PCDHA13: variants seen among roughly 807,000 people sequenced by gnomAD.
The protein encoded by PCDHA13 is protocadherin alpha 13, also known as protocadherin alpha-13.
In PCDHA13, 54 loss-of-function variants were observed where a neutral mutation model predicts 64.8. That is an observed-to-expected ratio of 0.83 (90% CI 0.67 to 1.04). The LOEUF is 1.04. PCDHA13 is among the 50% of genes least tolerant of loss of function. The probability of loss-of-function intolerance (pLI) is 0.00; values close to 1 mark genes in which losing one functional copy is unlikely to be tolerated. For synonymous variants in PCDHA13, 587 were observed against 564.4 expected (o/e 1.04, Z -0.57); for missense variants, 1,248 against 1,254.3 (o/e 0.99, Z 0.08).
At position 140,884,044 on chromosome 5, in the gene PCDHA13, G is replaced by T. The variant is rs374333847; in HGVS notation, c.1776G>T (p.Ala592=). The change falls in exon 1 of 4, where the codon GCG becomes GCT. Residue 592 remains alanine, a synonymous_variant. Coordinates refer to ENST00000289272, the MANE Select transcript of PCDHA13 (RefSeq NM_018904.3). The part of the protein sequence containing the change: ...PRSVGAGHVV[A]KVRAVDADSG... ...CGGTGGGTGCAGGCCACGTGGTGGC[G>T]AAGGTGCGCGCGGTGGACGCCGATT... 2.5e-6 allele frequency: 4 copies of T among 1,613,476 alleles called. No homozygotes were observed. In the South Asian group the frequency reaches 3.3e-5, roughly 13 times the overall value.
At position 140,927,570 on chromosome 5, in the gene PCDHA13, A is replaced by G. The variant is rs568227710; in HGVS notation, c.2394+42908A>G. 5.0e-5 allele frequency: 80 copies of G among 1,614,066 alleles called. 1 individual carries two copies. Among genetic ancestry groups the G allele is most frequent in the Middle Eastern group, 4.9e-4 (3 of 6,084 alleles). On this transcript the variant is annotated intron_variant, in intron 1 of 3. Transcript: ENST00000289272. ...AAGTCACCATCATTGTGGTGGACAC[A>G]AATGACAACGCGCCTGTATTTGAGC...
Position 140,883,634 on chromosome 5 carries a change from G to C in PCDHA13, c.1366G>C (p.Ala456Pro), listed in dbSNP as rs782548505. 1.1e-5 allele frequency: 18 copies of C among 1,613,174 alleles called. No homozygotes were observed. Among genetic ancestry groups the C allele is most frequent in the African/African-American group, 5.4e-5 (4 of 74,712 alleles). Residue 456 changes from alanine to proline, a missense_variant, in exon 1 of 4, where the codon GCG becomes CCG. Coordinates refer to ENST00000289272, the MANE Select transcript of PCDHA13 (RefSeq NM_018904.3). ...CGTGAACGACAACGCGCCGGCGTTC[G>C]CGCAGCCCGAGTACACGGTGTTCGT... ...ADVNDNAPAFAQPEYTVFVKE... is the reference protein window; with the variant it reads ...ADVNDNAPAFPQPEYTVFVKE...
intron 1 of PCDHA13, chr5:140,926,742 C>A: frequency 8.3e-7 from 1 of 1,199,336 alleles, no homozygotes; most frequent in Non-Finnish European, 1.1e-6. Flanking sequence ...GGAGGCGCAA[C>A]GTCGGCGGTC....
chr5:140,927,155 G>A (rs2083907874), intron 1 of PCDHA13: 1 of 1,614,076 alleles, frequency 6.2e-7, no homozygotes, highest in Non-Finnish European at 8.5e-7. Flanking sequence ...CAGCTGTGCA[G>A]GGCCAAAGCT....
At chr5:140,891,174 T>C (rs147745090) in intron 1 of PCDHA13, among the ~76,000 whole-genome samples, 2,208 of 152,320 alleles carry the variant, frequency 0.014, 24 homozygotes, top group Non-Finnish European at 0.022. Flanking sequence ...TTTTCAGATT[T>C]TCTGTGTGTC....
chr5:140,883,105 C>T lies in PCDHA13; in HGVS notation c.837C>T (p.Tyr279=). The T allele has an allele frequency of 6.2e-7, 1 of 1,614,056 alleles. No individual in the cohort carries two copies. The highest frequency in any genetic ancestry group is 8.5e-7 in the Non-Finnish European group (1 of 1,180,002). The part of the protein sequence containing the change: ...PDDGTNGDIV[Y]SFRRPVWPAV... ...ATGGTACAAATGGAGATATAGTTTACTCATTTAGAAGGCCTGTATGGCCTG... is the reference window on the plus strand; with the variant it reads ...ATGGTACAAATGGAGATATAGTTTATTCATTTAGAAGGCCTGTATGGCCTG... Residue 279 remains tyrosine (Y), a synonymous_variant, in exon 1 of 4, where the codon TAC becomes TAT. Transcript: ENST00000289272.
intron 3 of PCDHA13, among the ~76,000 whole-genome samples, chr5:141,004,084 T>C (rs2098151963): frequency 6.6e-6 from 1 of 152,234 alleles, no homozygotes; most frequent in Non-Finnish European, 1.5e-5. Context: ...GGTAGAAATG[T>C]GCTTCTTCCG....
At chr5:140,970,221 C>G (rs2096390879) in intron 1 of PCDHA13, among the ~76,000 whole-genome samples, 1 of 152,182 alleles carries the variant, frequency 6.6e-6, no homozygotes, top group South Asian at 2.1e-4. Context: ...TTAAATGCAG[C>G]CTGTAATCTT....
chr5:140,913,572 T>C (rs1000646852), intron 1 of PCDHA13, among the ~76,000 whole-genome samples: 1 of 152,146 alleles, frequency 6.6e-6, no homozygotes, highest in Non-Finnish European at 1.5e-5. Context: ...TTTCATCATT[T>C]CAAATATATT....
At chr5:140,939,149 C>T (rs2092323339) in intron 1 of PCDHA13, among the ~76,000 whole-genome samples, 1 of 152,124 alleles carries the variant, frequency 6.6e-6, no homozygotes, top group South Asian at 2.1e-4. Flanking sequence ...GATCAAGGTC[C>T]TGGCAGATTT....
In PCDHA13 at chr5:140,982,309, G is replaced by A. The variant is rs1459964622; in HGVS notation, c.2454-166G>A. On this transcript the variant is annotated intron_variant, in intron 2 of 3. Coordinates refer to ENST00000289272, the MANE Select transcript of PCDHA13 (RefSeq NM_018904.3). Reference sequence around the variant, plus strand: ...TAAGTAAGTCAGCAATGCTTCTGCAGTTTATGCAGGGTGACTGCTCAGCAG... The same window carrying A: ...TAAGTAAGTCAGCAATGCTTCTGCAATTTATGCAGGGTGACTGCTCAGCAG... 5.4e-6 allele frequency: 7 copies of A among 1,306,624 alleles called. No homozygotes were observed. The Admixed American group carries it at 1.8e-4, about 34-fold the overall frequency. The allele number at this position is 1,306,624 out of a possible 1,614,324, so 80.9% of individuals were successfully genotyped here. A position where few individuals can be genotyped will look rare whatever the true frequency, so the allele number is the denominator to read the frequency against.
intron 1 of PCDHA13, among the ~76,000 whole-genome samples, chr5:140,941,235 C>CT: frequency 7.4e-6 from 1 of 135,248 alleles, no homozygotes; most frequent in Non-Finnish European, 1.6e-5. Context: ...TTCTTTCTTT[C>CT]TTTCTTTCTT....
chr5:140,917,449 C>G (rs1290889939), intron 1 of PCDHA13, among the ~76,000 whole-genome samples: 1 of 152,006 alleles, frequency 6.6e-6, no homozygotes, highest in Admixed American at 6.6e-5. Context: ...GCTGCAAGAG[C>G]GTTTGGCATC....
intron 1 of PCDHA13, chr5:140,928,467 A>G (rs782319281): frequency 6.2e-7 from 1 of 1,614,142 alleles, no homozygotes; most frequent in South Asian, 1.1e-5. Flanking sequence ...ATTTCCAAGT[A>G]GAAGGCCGGG....
At chr5:140,887,254 G>A (rs924715341) in intron 1 of PCDHA13, among the ~76,000 whole-genome samples, 4 of 151,790 alleles carry the variant, frequency 2.6e-5, no homozygotes, top group Admixed American at 2.0e-4. Context: ...CCGCCACCAC[G>A]CCCTGCTAAT....
chr5:140,882,539 G>C lies in PCDHA13; in HGVS notation c.271G>C (p.Asp91His), dbSNP rs1303287274. ...CATTTTGTTTGTGAATTCTCGGATC[G>C]ACCGCGAGGAGCTGTGTGGGCGGAG... Reference protein sequence around the residue: ...NGILFVNSRIDREELCGRSAE... With the variant: ...NGILFVNSRIHREELCGRSAE... The change falls in exon 1 of 4, where the codon GAC becomes CAC. Residue 91 changes from aspartate to histidine, a missense_variant. Asp to His is a moderately conservative substitution (Grantham distance 81, BLOSUM62 -1). Transcript: ENST00000289272. 1.2e-6 allele frequency: 2 copies of C among 1,614,110 alleles called. No homozygotes were observed.
chr5:140,956,820 G>C (rs246011), intron 1 of PCDHA13, among the ~76,000 whole-genome samples: 85,659 of 151,910 alleles, frequency 0.56, 24,765 homozygotes, highest in African/African-American at 0.69. Context: ...GCTTCAATTT[G>C]TAATTTAATA....
intron 1 of PCDHA13, among the ~76,000 whole-genome samples, chr5:140,965,496 AT>A (rs71766133): frequency 0.14 from 20,233 of 145,920 alleles, 1,374 homozygotes; most frequent in Middle Eastern, 0.21. Flanking sequence ...ATGACAGCAG[AT>A]TTTTTTTTTT....
intron 1 of PCDHA13, chr5:140,927,919 C>G (rs782561454): frequency 6.2e-7 from 1 of 1,614,216 alleles, no homozygotes; most frequent in Non-Finnish European, 8.5e-7. Context: ...ACTGGACTTC[C>G]TGACTCTTTC....
Sources: gnomAD v4.1 joint callset for allele counts (sites outside exome capture counted in the v4.1 genomes callset) on GRCh38, gnomAD v4.1.1 for gene constraint, MANE v1.5 for transcripts, NCBI Gene and HGNC (gene_info 2026-07-23, HGNC 2026-07-21) for gene names.